The following SCAMP1 variants were observed in gnomAD, a reference collection of about 807,000 sequenced individuals.
The protein encoded by SCAMP1 is secretory carrier membrane protein 1.
In SCAMP1, 15 loss-of-function variants were observed where a neutral mutation model predicts 41.8. That is an observed-to-expected ratio of 0.36 (90% CI 0.24 to 0.55). The LOEUF is 0.55. SCAMP1 is among the 20% of genes least tolerant of loss of function. The pLI, the probability that SCAMP1 is intolerant of heterozygous loss-of-function variation, is 0.86. For synonymous variants in SCAMP1, 135 were observed against 136.8 expected (o/e 0.99, Z 0.09); for missense variants, 341 against 412.6 (o/e 0.83, Z 1.50).
intron 2 of SCAMP1, among the ~76,000 whole-genome samples, chr5:78,401,881 G>T (rs1243927003): frequency 1.3e-5 from 2 of 151,796 alleles, no homozygotes; most frequent in African/African-American, 4.8e-5. Context: ...GATTTAATTT[G>T]CTCTTCTTTT....
At chr5:78,366,149 C>CTTTTTT (rs1230753119) in intron 1 of SCAMP1, among the ~76,000 whole-genome samples, 1 of 146,290 alleles carries the variant, frequency 6.8e-6, no homozygotes, top group Admixed American at 6.9e-5. Context: ...CTTTTCTTTT[C>CTTTTTT]TTTTTTTTTT....
At chr5:78,369,496 C>T (rs1750891060) in intron 1 of SCAMP1, among the ~76,000 whole-genome samples, 1 of 152,120 alleles carries the variant, frequency 6.6e-6, no homozygotes, top group Admixed American at 6.5e-5. Context: ...CATCAAGTAT[C>T]ACTGATCACA....
At chr5:78,448,740 C>T (rs1426069206) in intron 6 of SCAMP1, among the ~76,000 whole-genome samples, 1 of 152,188 alleles carries the variant, frequency 6.6e-6, no homozygotes, top group Non-Finnish European at 1.5e-5. Context: ...GTGGCTCATG[C>T]CTGTAATCCC....
intron 2 of SCAMP1, among the ~76,000 whole-genome samples, chr5:78,411,884 C>T (rs1039234105): frequency 6.6e-6 from 1 of 152,070 alleles, no homozygotes; most frequent in African/African-American, 2.4e-5. Flanking sequence ...AGTGTATAAT[C>T]CCACTTTTCA....
At chr5:78,453,187 T>G (rs1220296029) in intron 7 of SCAMP1, among the ~76,000 whole-genome samples, 1 of 151,064 alleles carries the variant, frequency 6.6e-6, no homozygotes, top group Non-Finnish European at 1.5e-5. Context: ...CTCTTTAGTT[T>G]AATTAGATCC....
intron 6 of SCAMP1, among the ~76,000 whole-genome samples, chr5:78,441,452 A>G (rs1752922225): frequency 6.6e-6 from 1 of 152,188 alleles, no homozygotes; most frequent in African/African-American, 2.4e-5. Flanking sequence ...TAGTTAGGAA[A>G]TTTCAAGTGT....
intron 8 of SCAMP1, among the ~76,000 whole-genome samples, chr5:78,473,476 TC>T (rs1207309087): frequency 1.3e-5 from 2 of 152,144 alleles, no homozygotes; most frequent in South Asian, 2.1e-4. Context: ...TAAAACAATT[TC>T]AAGTTTTATT....
At chr5:78,438,913 A>T (rs1457504489) in intron 6 of SCAMP1, among the ~76,000 whole-genome samples, 2 of 152,164 alleles carry the variant, frequency 1.3e-5, no homozygotes, top group Non-Finnish European at 1.5e-5. Flanking sequence ...TTGAGTGCAT[A>T]TATATTTAGG....
At chr5:78,398,056 T>C (rs550580471) in intron 2 of SCAMP1, among the ~76,000 whole-genome samples, 76 of 152,318 alleles carry the variant, frequency 5.0e-4, no homozygotes, top group Non-Finnish European at 6.9e-4. Context: ...AGACATTTGT[T>C]AAACGTGGAG....
chr5:78,430,480 C>T (rs1045534717), intron 6 of SCAMP1, among the ~76,000 whole-genome samples: 3 of 151,612 alleles, frequency 2.0e-5, no homozygotes, highest in Non-Finnish European at 2.9e-5. Context: ...TTCATCCTTT[C>T]TGTTTATATA....
At chr5:78,426,384 T>C (rs972034028) in intron 6 of SCAMP1, among the ~76,000 whole-genome samples, 4 of 152,228 alleles carry the variant, frequency 2.6e-5, no homozygotes, top group African/African-American at 9.6e-5. Context: ...TCTTCCACAA[T>C]GGTTGAACTA....
chr5:78,424,512 A>G (rs1007505687), intron 6 of SCAMP1, among the ~76,000 whole-genome samples: 1 of 152,124 alleles, frequency 6.6e-6, no homozygotes, highest in African/African-American at 2.4e-5. Context: ...GGCGGATCAC[A>G]TGAGGTCAGG....
chr5:78,465,710 GTCAGC>G (rs1753728012), intron 8 of SCAMP1, among the ~76,000 whole-genome samples: 3 of 152,276 alleles, frequency 2.0e-5, no homozygotes, highest in Admixed American at 1.3e-4. Context: ...GCCTTTATCA[GTCAGC>G]ATGCTATCAG....
chr5:78,393,761 A>G (rs943096817), intron 2 of SCAMP1, among the ~76,000 whole-genome samples: 1 of 152,230 alleles, frequency 6.6e-6, no homozygotes, highest in Non-Finnish European at 1.5e-5. Flanking sequence ...ATGCATAAAT[A>G]GAGAAATTAT....
chr5:78,437,513 G>C (rs988582990), intron 6 of SCAMP1, among the ~76,000 whole-genome samples: 1 of 152,168 alleles, frequency 6.6e-6, no homozygotes, highest in African/African-American at 2.4e-5. Context: ...GATGGATTAT[G>C]TTTATTGATT....
At chr5:78,452,282 C>T (rs1753256197) in intron 7 of SCAMP1, among the ~76,000 whole-genome samples, 1 of 147,810 alleles carries the variant, frequency 6.8e-6, no homozygotes, top group Non-Finnish European at 1.5e-5. Context: ...GCGCTGCACC[C>T]ACTAACTCGT....
intron 2 of SCAMP1, among the ~76,000 whole-genome samples, chr5:78,402,620 A>G (rs1337625492): frequency 6.6e-6 from 1 of 151,938 alleles, no homozygotes; most frequent in Non-Finnish European, 1.5e-5. Flanking sequence ...TTTTTCTGAA[A>G]TTTTTTATCA....
intron 2 of SCAMP1, among the ~76,000 whole-genome samples, chr5:78,407,087 C>T (rs559808844): frequency 8.5e-5 from 13 of 152,238 alleles, no homozygotes; most frequent in African/African-American, 3.1e-4. Flanking sequence ...GTTGGCTTTC[C>T]TTCTGTATTT....
chr5:78,426,710 T>G (rs1485545215), intron 6 of SCAMP1, among the ~76,000 whole-genome samples: 4 of 152,258 alleles, frequency 2.6e-5, no homozygotes, highest in Non-Finnish European at 4.4e-5. Flanking sequence ...TGGATTCATT[T>G]GCACACAATT....
Sources: gnomAD v4.1 joint callset for allele counts (sites outside exome capture counted in the v4.1 genomes callset) on GRCh38, gnomAD v4.1.1 for gene constraint, MANE v1.5 for transcripts, NCBI Gene and HGNC (gene_info 2026-07-23, HGNC 2026-07-21) for gene names.